The following SCARA3 variants were observed in gnomAD, a reference collection of about 807,000 sequenced individuals.
The protein encoded by SCARA3 is cellular stress response gene protein.
In SCARA3, 39 loss-of-function variants were observed where a neutral mutation model predicts 47.0. That is an observed-to-expected ratio of 0.83 (90% confidence interval 0.64 to 1.08). The LOEUF (loss-of-function observed/expected upper bound fraction) is 1.08, where lower values mean the gene tolerates loss of function less well. Among genes scored for constraint, SCARA3 ranks in the 50% least tolerant of loss-of-function variants. SCARA3 has a pLI of 0.00. For missense variants in SCARA3, 724 were observed against 792.3 expected (o/e 0.91, Z 1.04); for synonymous variants, 356 against 334.1 (o/e 1.07, Z -0.71).
the SCARA3 span, among the ~76,000 whole-genome samples, chr8:27,714,379 G>C: frequency 6.6e-6 from 1 of 151,826 alleles, no homozygotes; most frequent in Admixed American, 6.6e-5. Flanking sequence ...ATTTTTAGTA[G>C]AGATGGGATT....
At chr8:27,643,283 G>A (rs891794296) in intron 1 of SCARA3, among the ~76,000 whole-genome samples, 2 of 152,202 alleles carry the variant, frequency 1.3e-5, no homozygotes, top group African/African-American at 4.8e-5. Flanking sequence ...AGGGTGGGAG[G>A]CAGCCAAAGG....
intron 3 of SCARA3, among the ~76,000 whole-genome samples, chr8:27,655,597 C>A (rs548032727): frequency 6.6e-6 from 1 of 152,182 alleles, no homozygotes; most frequent in East Asian, 1.9e-4. Context: ...ACCCTAGGTC[C>A]CATAATTCTA....
chr8:27,634,167 GCGGGGC>G lies in SCARA3; in HGVS notation c.-32_-27del. 1 of 1,448,200 alleles carries G rather than the reference GCGGGGC, an allele frequency of 6.9e-7. No homozygotes were observed. The highest frequency in any genetic ancestry group is 9.1e-7 in the Non-Finnish European group (1 of 1,104,530). 89.7% of individuals were successfully genotyped at this position (1,448,200 alleles called of 1,614,324 possible). On this transcript the variant is annotated 5_prime_UTR_variant, in exon 1 of 6. Coordinates refer to ENST00000301904, the MANE Select transcript of SCARA3 (RefSeq NM_016240.3). ...TCCACTACAGCTCCAGCCGCCTGCAGCGGGGCCCTCCTGAGGCCCCAGAGGAAGAGA... is the reference window on the plus strand; with the variant it reads ...TCCACTACAGCTCCAGCCGCCTGCAGCCTCCTGAGGCCCCAGAGGAAGAGA...
the SCARA3 span, among the ~76,000 whole-genome samples, chr8:27,711,658 GA>G: frequency 3.9e-5 from 6 of 152,052 alleles, no homozygotes; most frequent in Admixed American, 3.9e-4. Context: ...CTCTTTGATG[GA>G]CAGAGCTAGG....
chr8:27,649,894 G>A, intron 2 of SCARA3, 94 bp downstream of exon 2: 1 of 1,129,316 alleles, frequency 8.9e-7, no homozygotes, highest in Non-Finnish European at 1.3e-6. Flanking sequence ...TCTTTAGGTG[G>A]TTTCAAAAGC....
At chr8:27,676,593 G>A (rs779853402), downstream of SCARA3, 10 of 1,575,484 alleles carry the variant, frequency 6.3e-6, no homozygotes, top group East Asian at 6.7e-5. Flanking sequence ...TCACATAATC[G>A]GATATGATAT....
At chr8:27,705,487 G>A in the SCARA3 span, among the ~76,000 whole-genome samples, 3 of 152,256 alleles carry the variant, frequency 2.0e-5, no homozygotes, top group African/African-American at 7.2e-5. Flanking sequence ...CCCATCACCC[G>A]ACAGGGGCTC....
At chr8:27,652,381 G>A (rs1408147171) in intron 3 of SCARA3, among the ~76,000 whole-genome samples, 8 of 152,200 alleles carry the variant, frequency 5.3e-5, no homozygotes, top group African/African-American at 1.9e-4. Context: ...TGCTAAGAGT[G>A]CAATCCCATT....
chr8:27,710,041 C>T, the SCARA3 span, among the ~76,000 whole-genome samples: 68 of 152,152 alleles, frequency 4.5e-4, no homozygotes, highest in East Asian at 7.7e-4. Flanking sequence ...CCATCCTGGC[C>T]AACATGCTGA....
At chr8:27,684,613 G>A in the SCARA3 span, among the ~76,000 whole-genome samples, 267 of 151,208 alleles carry the variant, frequency 1.8e-3, no homozygotes, top group Non-Finnish European at 2.8e-3. Flanking sequence ...GTTACAGTGA[G>A]CTATGATTGT....
At chr8:27,641,219 C>T (rs916507283) in intron 1 of SCARA3, among the ~76,000 whole-genome samples, 3 of 152,228 alleles carry the variant, frequency 2.0e-5, no homozygotes, top group Non-Finnish European at 4.4e-5. Flanking sequence ...AAAGGGCACT[C>T]GCCCTTGCAG....
downstream of SCARA3, among the ~76,000 whole-genome samples, chr8:27,676,969 A>G (rs539018951): frequency 1.2e-4 from 18 of 152,300 alleles, no homozygotes; most frequent in Admixed American, 3.3e-4. Context: ...CTGAACTCCC[A>G]GACGAGGATG....
chr8:27,706,971 G>C, the SCARA3 span, among the ~76,000 whole-genome samples: 1 of 152,132 alleles, frequency 6.6e-6, no homozygotes, highest in Non-Finnish European at 1.5e-5. Flanking sequence ...CAGAATGCTA[G>C]CAGTCAAATA....
rs987386530 is a variant in SCARA3, at chr8:27,672,700, GA to G, written c.*1350del. 1 of 985,572 alleles carries G rather than the reference GA, an allele frequency of 1.0e-6. No individual in the cohort carries two copies. The highest frequency in any genetic ancestry group is 1.7e-5 in the African/African-American group (1 of 57,250). 61.1% of individuals were successfully genotyped at this position (985,572 alleles called of 1,614,324 possible). A position where few individuals can be genotyped will look rare whatever the true frequency, so the allele number is the denominator to read the frequency against. ...CCAACTTCCTGCACACACTGGCAGA[GA>G]GGGGCGCTGGGAAATCACCCCACAG... On this transcript the variant is annotated 3_prime_UTR_variant, in exon 6 of 6. Coordinates refer to ENST00000301904, the MANE Select transcript of SCARA3 (RefSeq NM_016240.3).
intron 5 of SCARA3, among the ~76,000 whole-genome samples, chr8:27,666,087 C>T (rs1267008339): frequency 1.3e-5 from 2 of 152,202 alleles, no homozygotes; most frequent in Non-Finnish European, 2.9e-5. Flanking sequence ...CAGAGACTGT[C>T]ATGTCATTCT....
the SCARA3 span, chr8:27,703,213 G>T: frequency 2.6e-5 from 4 of 152,518 alleles, no homozygotes. Context: ...CCGCAGCCTG[G>T]CTGGGCACAT....
intron 1 of SCARA3, among the ~76,000 whole-genome samples, chr8:27,648,610 A>G (rs1310623572): frequency 6.6e-6 from 1 of 150,408 alleles, no homozygotes; most frequent in Non-Finnish European, 1.5e-5. Flanking sequence ...TCTCAAAAGA[A>G]AAAAAAAAGG....
chr8:27,658,409 T>C (rs1801788803), intron 4 of SCARA3, 87 bp from the exon 5 acceptor site: 1 of 1,309,520 alleles, frequency 7.6e-7, no homozygotes, highest in Admixed American at 2.4e-5. Flanking sequence ...CTAACCAATT[T>C]CTTATGCTCT....
At chr8:27,708,967 G>C in the SCARA3 span, among the ~76,000 whole-genome samples, 1 of 152,096 alleles carries the variant, frequency 6.6e-6, no homozygotes, top group Non-Finnish European at 1.5e-5. Flanking sequence ...TCAGGAAAAC[G>C]GGGAAAGGCA....
Sources: gnomAD v4.1 joint callset for allele counts (sites outside exome capture counted in the v4.1 genomes callset) on GRCh38, gnomAD v4.1.1 for gene constraint, MANE v1.5 for transcripts, NCBI Gene and HGNC (gene_info 2026-07-23, HGNC 2026-07-21) for gene names.